Variants in CDH8 observed in about 807,000 individuals in gnomAD.
CDH8 encodes the protein cadherin-8.
CDH8 carries 17 observed loss-of-function variants against 68.1 expected under a neutral mutation model. That is an observed-to-expected ratio of 0.25 (90% CI 0.17 to 0.37). The LOEUF is 0.37. CDH8 is among the 10% of genes least tolerant of loss of function. CDH8 has a pLI of 1.00. For missense variants in CDH8, 763 were observed against 999.3 expected (o/e 0.76, Z 3.19); for synonymous variants, 372 against 365.1 (o/e 1.02, Z -0.21).
intron 2 of CDH8, among the ~76,000 whole-genome samples, chr16:61,968,776 T>A (rs1023149861): frequency 6.6e-6 from 1 of 152,302 alleles, no homozygotes. Context: ...ACATTCCAAT[T>A]CTAAGCGGCA....
chr16:61,803,366 C>A (rs1488690653), intron 7 of CDH8, among the ~76,000 whole-genome samples: 2 of 133,540 alleles, frequency 1.5e-5, no homozygotes, highest in Non-Finnish European at 3.2e-5. Flanking sequence ...AAAATCATGC[C>A]AAAATGTAAA....
chr16:61,669,291 C>T (rs1393137488), intron 10 of CDH8, among the ~76,000 whole-genome samples: 1 of 152,046 alleles, frequency 6.6e-6, no homozygotes, highest in East Asian at 1.9e-4. Flanking sequence ...ATTCCACCTT[C>T]AGTTATTTAG....
At chr16:61,795,399 G>C (rs911405842) in intron 7 of CDH8, among the ~76,000 whole-genome samples, 1 of 152,046 alleles carries the variant, frequency 6.6e-6, no homozygotes, top group Non-Finnish European at 1.5e-5. Context: ...AGAGTCTTCA[G>C]TGGAATCTCA....
chr16:61,931,276 A>C (rs1242729912), intron 2 of CDH8, among the ~76,000 whole-genome samples: 1 of 151,904 alleles, frequency 6.6e-6, no homozygotes, highest in Non-Finnish European at 1.5e-5. Flanking sequence ...CTATCCTCCC[A>C]CCTCAGCCTT....
intron 4 of CDH8, among the ~76,000 whole-genome samples, chr16:61,839,161 T>C (rs567500268): frequency 9.2e-5 from 14 of 152,258 alleles, no homozygotes; most frequent in Admixed American, 3.9e-4. Flanking sequence ...TCAAAATGCA[T>C]TGTATCATAG....
intron 8 of CDH8, among the ~76,000 whole-genome samples, chr16:61,737,478 T>G (rs1959729111): frequency 6.6e-6 from 1 of 152,126 alleles, no homozygotes; most frequent in Non-Finnish European, 1.5e-5. Flanking sequence ...CTTAGTAAGC[T>G]TAAAATAAAA....
intron 2 of CDH8, among the ~76,000 whole-genome samples, chr16:61,927,928 C>T (rs764086049): frequency 7.2e-5 from 11 of 152,302 alleles, no homozygotes; most frequent in South Asian, 4.1e-4. Flanking sequence ...ACACTACATA[C>T]GAACACATGA....
chr16:61,705,956 T>C (rs1964521894), intron 10 of CDH8, among the ~76,000 whole-genome samples: 1 of 152,232 alleles, frequency 6.6e-6, no homozygotes, highest in Non-Finnish European at 1.5e-5. Context: ...CCTGTGTCTA[T>C]TTAATTCACT....
intron 2 of CDH8, among the ~76,000 whole-genome samples, chr16:61,982,081 G>A (rs1965542033): frequency 6.6e-6 from 1 of 152,056 alleles, no homozygotes; most frequent in African/African-American, 2.4e-5. Flanking sequence ...CGTCATATGT[G>A]TTGAATAAAT....
chr16:61,758,428 GTTGTT>G (rs541711846), intron 8 of CDH8, among the ~76,000 whole-genome samples: 2 of 152,086 alleles, frequency 1.3e-5, no homozygotes, highest in Admixed American at 6.6e-5. Context: ...CTGTTTTGTT[GTTGTT>G]TTGTTTTGTT....
chr16:61,944,732 A>G (rs911813542), intron 2 of CDH8, among the ~76,000 whole-genome samples: 2 of 152,180 alleles, frequency 1.3e-5, no homozygotes, highest in Non-Finnish European at 2.9e-5. Flanking sequence ...ACTTGAGGCC[A>G]GGATTTTCAC....
intron 8 of CDH8, among the ~76,000 whole-genome samples, chr16:61,784,141 C>A (rs1226718244): frequency 6.6e-6 from 1 of 151,572 alleles, no homozygotes; most frequent in East Asian, 2.0e-4. Context: ...CACAGACTGG[C>A]AAATTGGATA....
At chr16:62,035,866 A>T (rs1466421298) in intron 1 of CDH8, among the ~76,000 whole-genome samples, 1 of 152,208 alleles carries the variant, frequency 6.6e-6, no homozygotes, top group African/African-American at 2.4e-5. Context: ...AAAAACAGTC[A>T]GGCAAAACCT....
intron 8 of CDH8, among the ~76,000 whole-genome samples, chr16:61,764,566 A>G: frequency 6.6e-6 from 1 of 152,108 alleles, no homozygotes; most frequent in East Asian, 1.9e-4. Context: ...AGTTCATCTC[A>G]ATGCTCAAGT....
chr16:61,681,303 A>T (rs2142800703), intron 10 of CDH8, among the ~76,000 whole-genome samples: 1 of 152,086 alleles, frequency 6.6e-6, no homozygotes, highest in Admixed American at 6.6e-5. Context: ...ATGAATAAAC[A>T]AAACATAGCC....
intron 3 of CDH8, among the ~76,000 whole-genome samples, chr16:61,863,439 G>A (rs958431351): frequency 6.6e-6 from 1 of 152,174 alleles, no homozygotes; most frequent in East Asian, 1.9e-4. Context: ...TCAGGAAAAT[G>A]AGATGTTGGG....
intron 8 of CDH8, among the ~76,000 whole-genome samples, chr16:61,735,997 C>T (rs768558059): frequency 3.0e-4 from 46 of 151,758 alleles, no homozygotes; most frequent in Non-Finnish European, 4.6e-4. Context: ...AGCTTGAACC[C>T]GGGAGGTAGA....
chr16:61,919,009 T>TGACCCCC lies in CDH8; in HGVS notation c.253-17543_253-17537dup, dbSNP rs1282262172. ...GCCTCTTCAAGTGGGTCCCTGACCCTGACCCCCGAGCAGCCTAACTGGGAG... is the reference window on the plus strand; with the variant it reads ...GCCTCTTCAAGTGGGTCCCTGACCCTGACCCCCGACCCCCGAGCAGCCTAACTGGGAG... On this transcript the variant is annotated intron_variant, in intron 2 of 11. Coordinates refer to ENST00000577390, the MANE Select transcript of CDH8 (RefSeq NM_001796.5). Among the ~76,000 whole-genome samples the TGACCCCC allele has an allele frequency of 8.1e-5, 12 of 147,476 alleles. 2 individuals carry two copies. The highest frequency in any genetic ancestry group is 4.9e-4 in the Admixed American group (7 of 14,364).
intron 4 of CDH8, among the ~76,000 whole-genome samples, chr16:61,843,151 G>A (rs929409972): frequency 1.3e-5 from 2 of 151,936 alleles, no homozygotes; most frequent in African/African-American, 4.8e-5. Context: ...TAATAAGGCT[G>A]GTATTTGTTT....
Sources: gnomAD v4.1 joint callset for allele counts (sites outside exome capture counted in the v4.1 genomes callset) on GRCh38, gnomAD v4.1.1 for gene constraint, MANE v1.5 for transcripts, NCBI Gene and HGNC (gene_info 2026-07-23, HGNC 2026-07-21) for gene names.